GRIK1: variants seen among roughly 807,000 people sequenced by gnomAD.
GRIK1 encodes glutamate ionotropic receptor kainate type subunit 1.
In GRIK1, 69 loss-of-function variants were observed where a neutral mutation model predicts 105.7. The ratio of observed to expected loss-of-function variants is 0.65; its 90% CI spans 0.54 to 0.80. The LOEUF (loss-of-function observed/expected upper bound fraction) is 0.80, where lower values mean the gene tolerates loss of function less well. Ranked by LOEUF, GRIK1 falls within the 30% of genes least tolerant of loss-of-function variation. The pLI, the probability that GRIK1 is intolerant of heterozygous loss-of-function variation, is 0.00. For synonymous variants in GRIK1, 438 were observed against 431.3 expected, an observed-to-expected ratio of 1.02 and a Z score of -0.19; for missense variants, 1,109 against 1,167.3, an observed-to-expected ratio of 0.95 and a Z score of 0.73.
chr21:29,560,355 CTT>C (rs373330437), intron 15 of GRIK1, among the ~76,000 whole-genome samples: 1,897 of 57,882 alleles, frequency 0.033, 39 homozygotes, highest in African/African-American at 0.041. Flanking sequence ...TTCTTTCTTT[CTT>C]TTTCTTTCTT....
At chr21:29,548,800 C>T (rs981937974) in intron 16 of GRIK1, among the ~76,000 whole-genome samples, 1 of 152,154 alleles carries the variant, frequency 6.6e-6, no homozygotes, top group Admixed American at 6.5e-5. Flanking sequence ...TATGATCCAG[C>T]TGATTTTCCC....
At chr21:29,625,048 C>G (rs770118745) in intron 7 of GRIK1, among the ~76,000 whole-genome samples, 11 of 152,150 alleles carry the variant, frequency 7.2e-5, no homozygotes, top group African/African-American at 2.7e-4. Flanking sequence ...GTGGAGGGCA[C>G]GAGGCCATGT....
chr21:29,858,962 G>T (rs531655911), intron 1 of GRIK1, among the ~76,000 whole-genome samples: 54 of 148,326 alleles, frequency 3.6e-4, no homozygotes, highest in African/African-American at 1.2e-3. Flanking sequence ...TTTTTTTGTA[G>T]AATTTATGTT....
chr21:29,787,343 G>A (rs1020228266), intron 1 of GRIK1, among the ~76,000 whole-genome samples: 1 of 152,150 alleles, frequency 6.6e-6, no homozygotes, highest in African/African-American at 2.4e-5. Flanking sequence ...ACATCATGGA[G>A]TGATTTGGGG....
chr21:29,720,268 A>G (rs1299226152), intron 1 of GRIK1, among the ~76,000 whole-genome samples: 1 of 152,106 alleles, frequency 6.6e-6, no homozygotes, highest in Non-Finnish European at 1.5e-5. Flanking sequence ...ATAAAATATG[A>G]CTTACTTTAT....
chr21:29,560,519 CCTTTCTTTCTTTCTTT>C (rs1201508832), intron 15 of GRIK1, among the ~76,000 whole-genome samples: 1 of 57,812 alleles, frequency 1.7e-5, no homozygotes, highest in Non-Finnish European at 3.0e-5. Context: ...TTCCTTCCTT[CCTTTCTTTCTTTCTTT>C]CTTTCTTTCT....
At chr21:29,905,619 ATTTTTTTTTTTTT>A (rs869179451) in intron 1 of GRIK1, among the ~76,000 whole-genome samples, 12 of 72,582 alleles carry the variant, frequency 1.7e-4, no homozygotes, top group Non-Finnish European at 2.8e-4. Context: ...CAAATTTTGT[ATTTTTTTTTTTTT>A]TTTTTTTTTT....
chr21:29,746,058 C>T (rs1392078787), intron 1 of GRIK1, among the ~76,000 whole-genome samples: 9 of 152,042 alleles, frequency 5.9e-5, no homozygotes, highest in Admixed American at 3.3e-4. Flanking sequence ...GAGCCAAGAT[C>T]GCGCCACTGC....
At chr21:29,839,039 G>A (rs1487498345) in intron 1 of GRIK1, among the ~76,000 whole-genome samples, 1 of 111,858 alleles carries the variant, frequency 8.9e-6, no homozygotes, top group African/African-American at 3.9e-5. Context: ...ATACTATAGG[G>A]ATTTCTTTTC....
chr21:29,583,810 G>T (rs1369571825), intron 12 of GRIK1, among the ~76,000 whole-genome samples: 1 of 152,102 alleles, frequency 6.6e-6, no homozygotes, highest in Non-Finnish European at 1.5e-5. Flanking sequence ...AGACCTACCT[G>T]TTGCCTGGAT....
chr21:29,931,017 T>G (rs2146357883), intron 1 of GRIK1, among the ~76,000 whole-genome samples: 1 of 152,310 alleles, frequency 6.6e-6, no homozygotes, highest in South Asian at 2.1e-4. Flanking sequence ...TTAGCACAGC[T>G]TTAGGTTTAC....
chr21:29,537,909 A>G (rs747785091), intron 16 of GRIK1, 25 bp from the exon 17 acceptor site: 10 of 1,060,662 alleles, frequency 9.4e-6, no homozygotes, highest in South Asian at 1.4e-5. Flanking sequence ...AGAAAAAAAA[A>G]CAATTTTAAA....
At chr21:29,782,805 T>TGCTTC (rs1033887463) in intron 1 of GRIK1, among the ~76,000 whole-genome samples, 8 of 152,236 alleles carry the variant, frequency 5.3e-5, no homozygotes, top group Non-Finnish European at 1.2e-4. Flanking sequence ...CCTTTTACTT[T>TGCTTC]GCTTCATTTT....
chr21:29,610,966 A>G (rs535052418), intron 7 of GRIK1, among the ~76,000 whole-genome samples: 3 of 152,282 alleles, frequency 2.0e-5, no homozygotes, highest in African/African-American at 4.8e-5. Context: ...CACTGCCCCC[A>G]TGTAAATTAA....
At chr21:29,893,702 C>T (rs2832479) in intron 1 of GRIK1, among the ~76,000 whole-genome samples, 39,626 of 152,038 alleles carry the variant, frequency 0.26, 6,364 homozygotes, top group African/African-American at 0.46. Flanking sequence ...GTAGAATATA[C>T]AGAGAGAAAG....
chr21:29,871,355 C>T (rs1019573886), intron 1 of GRIK1, among the ~76,000 whole-genome samples: 1 of 152,312 alleles, frequency 6.6e-6, no homozygotes, highest in Middle Eastern at 3.4e-3. Context: ...TTCATTCTTA[C>T]ACAAACCCAA....
intron 1 of GRIK1, among the ~76,000 whole-genome samples, chr21:29,820,452 A>G (rs769989776): frequency 2.6e-5 from 4 of 152,096 alleles, no homozygotes; most frequent in Non-Finnish European, 4.4e-5. Context: ...TATATTTAGA[A>G]TTCTCTTTCT....
intron 1 of GRIK1, among the ~76,000 whole-genome samples, chr21:29,894,352 G>A (rs747331855): frequency 2.0e-5 from 3 of 152,100 alleles, no homozygotes; most frequent in African/African-American, 4.8e-5. Context: ...AGAGCCCCTG[G>A]AAAACCACTG....
At chr21:29,688,654 T>C (rs1358491242) in intron 3 of GRIK1, among the ~76,000 whole-genome samples, 1 of 152,228 alleles carries the variant, frequency 6.6e-6, no homozygotes, top group Non-Finnish European at 1.5e-5. Context: ...CTTAGAAATT[T>C]CCAGTCTTAC....
Sources: allele counts gnomAD v4.1 joint callset (sites outside exome capture counted in the v4.1 genomes callset), GRCh38; gene constraint gnomAD v4.1.1; transcripts MANE v1.5; gene names NCBI Gene and HGNC (gene_info 2026-07-23, HGNC 2026-07-21).